The following STXBP5 variants were observed in gnomAD, a reference collection of about 807,000 sequenced individuals.
STXBP5 encodes the protein syntaxin binding protein 5.
STXBP5 carries 50 observed loss-of-function variants against 152.4 expected under a neutral mutation model. That is an observed-to-expected ratio of 0.33 (90% CI 0.26 to 0.42). The LOEUF is 0.42. Ranked by LOEUF, STXBP5 falls within the 10% of genes least tolerant of loss-of-function variation. The pLI, the probability that STXBP5 is intolerant of heterozygous loss-of-function variation, is 1.00. For missense variants in STXBP5, 1,167 were observed against 1,388.6 expected (o/e 0.84, Z 2.54); for synonymous variants, 492 against 494.7 (o/e 0.99, Z 0.07).
chr6:147,298,676 G>T (rs2128359495), intron 9 of STXBP5, among the ~76,000 whole-genome samples: 1 of 152,070 alleles, frequency 6.6e-6, no homozygotes, highest in East Asian at 1.9e-4. Context: ...ATTAACAAGA[G>T]AAACTTTGGA....
At chr6:147,213,477 T>TGTGTGCGCGCGCAC in intron 2 of STXBP5, among the ~76,000 whole-genome samples, 1 of 131,278 alleles carries the variant, frequency 7.6e-6, no homozygotes, top group African/African-American at 3.2e-5. Flanking sequence ...TGTGTGTGTG[T>TGTGTGCGCGCGCAC]GCGCGCGCAT....
At chr6:147,372,100 G>T (rs1054403378) in intron 25 of STXBP5, among the ~76,000 whole-genome samples, 3 of 151,902 alleles carry the variant, frequency 2.0e-5, no homozygotes, top group African/African-American at 7.3e-5. Flanking sequence ...TTTATTCCAG[G>T]TTTACTACAC....
intron 19 of STXBP5, among the ~76,000 whole-genome samples, chr6:147,337,112 T>C (rs116139313): frequency 0.017 from 2,580 of 151,930 alleles, 78 homozygotes; most frequent in African/African-American, 0.059. Flanking sequence ...AAAGAACTTA[T>C]ATTGCTTCAC....
chr6:147,350,402 T>C (rs937028209), intron 21 of STXBP5, among the ~76,000 whole-genome samples: 4 of 152,122 alleles, frequency 2.6e-5, no homozygotes, highest in Non-Finnish European at 4.4e-5. Flanking sequence ...GCAATGTATG[T>C]ATAGATGGTG....
intron 2 of STXBP5, among the ~76,000 whole-genome samples, chr6:147,225,088 G>A (rs1777644246): frequency 6.6e-6 from 1 of 152,088 alleles, no homozygotes; most frequent in South Asian, 2.1e-4. Context: ...TGAAAGAAAT[G>A]GTAAGAGAGG....
intron 9 of STXBP5, among the ~76,000 whole-genome samples, chr6:147,307,827 G>T (rs1007704281): frequency 1.3e-5 from 2 of 152,170 alleles, no homozygotes; most frequent in Non-Finnish European, 2.9e-5. Flanking sequence ...AGTACAGGCA[G>T]CCTACAAAGC....
intron 5 of STXBP5, among the ~76,000 whole-genome samples, chr6:147,261,696 G>A (rs1779646740): frequency 6.6e-6 from 1 of 151,990 alleles, no homozygotes; most frequent in South Asian, 2.1e-4. Context: ...CTACTAGGTA[G>A]GCCTAGTGCA....
intron 9 of STXBP5, among the ~76,000 whole-genome samples, chr6:147,302,549 C>T (rs147349554): frequency 0.013 from 2,014 of 151,970 alleles, 35 homozygotes; most frequent in African/African-American, 0.046. Flanking sequence ...AGGCATGGTG[C>T]CTCATGCCTG....
chr6:147,255,944 A>G (rs922440813), intron 4 of STXBP5, among the ~76,000 whole-genome samples: 2 of 152,234 alleles, frequency 1.3e-5, no homozygotes, highest in African/African-American at 4.8e-5. Flanking sequence ...AGACTATCAT[A>G]CAAATTGCAG....
intron 23 of STXBP5, among the ~76,000 whole-genome samples, chr6:147,361,475 A>C (rs1785062654): frequency 6.6e-6 from 1 of 152,186 alleles, no homozygotes; most frequent in Non-Finnish European, 1.5e-5. Flanking sequence ...CTATTTAAAA[A>C]TATATCAGTG....
Position 147,262,295 on chromosome 6 carries a change from C to A in STXBP5, c.572C>A (p.Ser191Tyr). ...IMWNKAIELS[S>Y]KSHPGPVVHI... ...ACTAACTTTTTCTTTTTTAGGTCAT[C>A]TAAATCTCACCCAGGACCTGTGGTC... is the stretch of plus-strand genomic sequence containing the variant. The change falls in exon 6 of 28, where the codon TCT (serine) becomes TAT (tyrosine). Residue 191 changes from serine to tyrosine, a missense_variant. By Grantham distance (144) the Ser-to-Tyr change is moderately radical. This residue lies in a region of STXBP5 where 310 missense variants were observed against 346.1 expected (regional missense o/e 0.90). Transcript: ENST00000321680. 6.5e-7 allele frequency: 1 copy of A among 1,547,682 alleles called. No homozygotes were observed. The highest frequency in any genetic ancestry group is 8.7e-7 in the Non-Finnish European group (1 of 1,153,584).
chr6:147,339,658 A>G (rs1784001089), intron 21 of STXBP5, among the ~76,000 whole-genome samples: 1 of 151,996 alleles, frequency 6.6e-6, no homozygotes, highest in African/African-American at 2.4e-5. Flanking sequence ...GGTTCAATTT[A>G]TGCCGTAAGT....
intron 21 of STXBP5, among the ~76,000 whole-genome samples, chr6:147,341,180 T>C (rs1381267321): frequency 6.6e-6 from 1 of 152,178 alleles, no homozygotes; most frequent in African/African-American, 2.4e-5. Context: ...CTGTAAAGTT[T>C]TTTTGCATTT....
chr6:147,225,594 C>T (rs1349610015), intron 2 of STXBP5, among the ~76,000 whole-genome samples: 1 of 152,150 alleles, frequency 6.6e-6, no homozygotes, highest in Non-Finnish European at 1.5e-5. Context: ...AGTTTTGATA[C>T]TGTCTCATTC....
At chr6:147,350,826 C>A (rs1784557254) in intron 21 of STXBP5, among the ~76,000 whole-genome samples, 1 of 152,116 alleles carries the variant, frequency 6.6e-6, no homozygotes, top group African/African-American at 2.4e-5. Flanking sequence ...ATGCTCAGTT[C>A]TTTGCTTATG....
At chr6:147,295,907 G>A (rs1281276490) in intron 9 of STXBP5, among the ~76,000 whole-genome samples, 1 of 152,148 alleles carries the variant, frequency 6.6e-6, no homozygotes, top group East Asian at 1.9e-4. Flanking sequence ...CTGCTCAGGG[G>A]ACCAGTAGCC....
At chr6:147,297,302 C>T (rs1348084623) in intron 9 of STXBP5, among the ~76,000 whole-genome samples, 1 of 152,090 alleles carries the variant, frequency 6.6e-6, no homozygotes, top group Non-Finnish European at 1.5e-5. Flanking sequence ...ATGGTATAGT[C>T]AAAATGCTGA....
Position 147,254,833 on chromosome 6 carries a change from A to T in STXBP5, c.432-5782A>T, listed in dbSNP as rs552392786. Among the ~76,000 whole-genome samples the T allele has an allele frequency of 2.0e-5, 3 of 152,322 alleles. No individual in the cohort carries two copies. In the South Asian group the frequency reaches 6.2e-4, roughly 32 times the overall value. On this transcript the variant is annotated intron_variant, in intron 4 of 27. Coordinates refer to ENST00000321680, the MANE Select transcript of STXBP5 (RefSeq NM_001127715.4). ...CAGGAAACAACAGATGCTGGAGAGGATGTGGAGAAATAGGAATGCGTTTAC... is the reference window on the plus strand; with the variant it reads ...CAGGAAACAACAGATGCTGGAGAGGTTGTGGAGAAATAGGAATGCGTTTAC...
At chr6:147,315,159 T>C (rs1186326133) in intron 14 of STXBP5, among the ~76,000 whole-genome samples, 2 of 152,174 alleles carry the variant, frequency 1.3e-5, no homozygotes, top group African/African-American at 4.8e-5. Context: ...ACTGTATCTT[T>C]TCTAGAGAAG....
Sources: allele counts gnomAD v4.1 joint callset (sites outside exome capture counted in the v4.1 genomes callset), GRCh38; gene constraint gnomAD v4.1.1; regional missense constraint gnomAD v4.1.1; transcripts MANE v1.5; gene names NCBI Gene and HGNC (gene_info 2026-07-23, HGNC 2026-07-21).